LPCAT2: variants seen among roughly 807,000 people sequenced by gnomAD.
The protein encoded by LPCAT2 is 1-AGP acyltransferase 11.
In LPCAT2, 58 loss-of-function variants were observed where a neutral mutation model predicts 64.7. The observed-to-expected ratio is 0.90, with a 90% CI of 0.73 to 1.12. LPCAT2 has a LOEUF of 1.12. Among genes scored for constraint, LPCAT2 ranks in the 50% most tolerant of loss-of-function variants. The probability of loss-of-function intolerance (pLI) is 0.00; values close to 1 mark genes in which losing one functional copy is unlikely to be tolerated. For synonymous variants in LPCAT2, 252 were observed against 245.3 expected (o/e 1.03, Z -0.26); for missense variants, 579 against 669.8 (o/e 0.86, Z 1.50).
chr16:55,545,641 G>A, intron 8 of LPCAT2, 94 bp from the exon 9 acceptor site: 2 of 781,226 alleles, frequency 2.6e-6, no homozygotes, highest in South Asian at 1.8e-5. Flanking sequence ...AAAGGTAGAT[G>A]ATTCAATATA....
At chr16:55,519,935 T>A (rs1963071973) in intron 1 of LPCAT2, among the ~76,000 whole-genome samples, 1 of 151,280 alleles carries the variant, frequency 6.6e-6, no homozygotes, top group Admixed American at 6.6e-5. Context: ...TTTAAATGGA[T>A]CACTAAAGAA....
rs533584844 is a variant in LPCAT2 at position 55,531,795 on chromosome 16, CTTTTA to C, written c.643-114_643-110del. ...GCTTTCATTAGAATCAAATGTTAGC[CTTTTA>C]TTTTGTTTTTGTTTTTTAAGCATTG... is the stretch of plus-strand genomic sequence containing the variant. On this transcript the variant is annotated intron_variant, in intron 4 of 13. Coordinates refer to ENST00000262134, the MANE Select transcript of LPCAT2 (RefSeq NM_017839.5). 3.2e-4 allele frequency: 214 copies of C among 673,800 alleles called. 1 individual carries two copies. The African/African-American group carries it at 3.3e-3, about 10-fold the overall frequency. 41.7% of individuals were successfully genotyped at this position (673,800 alleles called of 1,614,324 possible). A position where few individuals can be genotyped will look rare whatever the true frequency, so the allele number is the denominator to read the frequency against.
chr16:55,521,325 T>G (rs994224994), intron 1 of LPCAT2, among the ~76,000 whole-genome samples: 1 of 151,856 alleles, frequency 6.6e-6, no homozygotes, highest in Non-Finnish European at 1.5e-5. Flanking sequence ...AATTTGAATT[T>G]ATTTTGTATC....
intron 1 of LPCAT2, among the ~76,000 whole-genome samples, chr16:55,509,991 C>CTTTTTTTTTTTTTTTTTTTTTTTTTTTTT (rs57496150): frequency 2.0e-5 from 2 of 102,532 alleles, no homozygotes; most frequent in African/African-American, 7.4e-5. Context: ...TTGAAGAAGT[C>CTTTTTTTTTTTTTTTTTTTTTTTTTTTTT]TTTTTTTTTT....
intron 12 of LPCAT2, among the ~76,000 whole-genome samples, chr16:55,577,097 C>T (rs1166585953): frequency 2.0e-5 from 3 of 152,122 alleles, no homozygotes; most frequent in African/African-American, 7.2e-5. Flanking sequence ...CATGAAGAGC[C>T]TGAGGTCTAC....
intron 4 of LPCAT2, among the ~76,000 whole-genome samples, chr16:55,530,492 TGG>T (rs57443448): frequency 0.01 from 1,475 of 142,278 alleles, 31 homozygotes; most frequent in African/African-American, 0.036. Flanking sequence ...AATGCGGGGG[TGG>T]GGGGGGGGTA....
At chr16:55,522,773 C>A (rs1435882383) in intron 1 of LPCAT2, among the ~76,000 whole-genome samples, 1 of 151,488 alleles carries the variant, frequency 6.6e-6, no homozygotes, top group African/African-American at 2.4e-5. Context: ...TAAAAATGAA[C>A]CTTGATCCAT....
chr16:55,524,848 CT>C (rs1157248705), intron 1 of LPCAT2, among the ~76,000 whole-genome samples: 1 of 152,022 alleles, frequency 6.6e-6, no homozygotes. Flanking sequence ...TTACTCCTTT[CT>C]GGTATGTAAA....
At chr16:55,528,333 C>A in intron 2 of LPCAT2, 44 bp from the exon 3 acceptor site, 1 of 1,499,038 alleles carries the variant, frequency 6.7e-7, no homozygotes, top group Non-Finnish European at 9.2e-7. Context: ...CTGCTGCTAG[C>A]TTTAATTAAC....
chr16:55,575,056 T>A (rs1232046679), intron 12 of LPCAT2, among the ~76,000 whole-genome samples: 1 of 152,146 alleles, frequency 6.6e-6, no homozygotes, highest in African/African-American at 2.4e-5. Context: ...ACACCACCTG[T>A]CACTAGTCAT....
At chr16:55,561,038 C>A (rs1963630335) in intron 11 of LPCAT2, among the ~76,000 whole-genome samples, 1 of 152,062 alleles carries the variant, frequency 6.6e-6, no homozygotes, top group East Asian at 1.9e-4. Flanking sequence ...ATAGATTTGC[C>A]TTTTCTGGAC....
At chr16:55,564,894 GTGGAAAGGTAACCTACAGAA>G (rs1963675497) in intron 11 of LPCAT2, among the ~76,000 whole-genome samples, 1 of 151,864 alleles carries the variant, frequency 6.6e-6, no homozygotes, top group Non-Finnish European at 1.5e-5. Context: ...TAACAACAGA[GTGGAAAGGTAACCTACAGAA>G]TGAAAGAAAA....
Position 55,509,360 on chromosome 16 carries a change from G to A in LPCAT2, c.171+8G>A, listed in dbSNP as rs1392924584. On this transcript the variant is annotated splice_region_variant and intron_variant, in intron 1 of 13. Transcript: ENST00000262134. ...TCCGCGAGGCGGGTCCAGGTGAGGG[G>A]CGTGGGTCTGAGGGGAGAGGTGGTC... is the stretch of plus-strand genomic sequence containing the variant. 1.4e-6 allele frequency: 2 copies of A among 1,427,062 alleles called. No individual in the cohort carries two copies. The highest frequency in any genetic ancestry group is 5.1e-5 in the Admixed American group (2 of 39,370). The allele number at this position is 1,427,062 out of a possible 1,614,324, so 88.4% of individuals were successfully genotyped here.
intron 11 of LPCAT2, 174 bp downstream of exon 11, chr16:55,551,276 G>T (rs1226538222): frequency 2.6e-6 from 1 of 381,890 alleles, no homozygotes; most frequent in African/African-American, 2.0e-5. Flanking sequence ...ATTAATAATT[G>T]TGTGTGTGTA....
At chr16:55,517,335 G>T (rs1170669829) in intron 1 of LPCAT2, among the ~76,000 whole-genome samples, 1 of 151,932 alleles carries the variant, frequency 6.6e-6, no homozygotes, top group African/African-American at 2.4e-5. Context: ...TATATAAAAA[G>T]ATTAACTAGT....
intron 9 of LPCAT2, among the ~76,000 whole-genome samples, chr16:55,546,155 C>T (rs1048061389): frequency 1.3e-5 from 2 of 151,484 alleles, no homozygotes; most frequent in Admixed American, 6.6e-5. Flanking sequence ...TGGTTCCTGC[C>T]GTGGCCCACC....
intron 5 of LPCAT2, chr16:55,532,222 T>C (rs1324576628): frequency 2.0e-5 from 8 of 396,840 alleles, no homozygotes; most frequent in African/African-American, 1.6e-4. Flanking sequence ...TGTGTGTGTT[T>C]GGGAACCCTC....
At chr16:55,554,285 T>C (rs1963550616) in intron 11 of LPCAT2, among the ~76,000 whole-genome samples, 1 of 152,206 alleles carries the variant, frequency 6.6e-6, no homozygotes, top group Non-Finnish European at 1.5e-5. Flanking sequence ...TTTCTTTCAT[T>C]AAAAGGCCAT....
Position 55,551,042 on chromosome 16 carries a change from C to G in LPCAT2, c.1155C>G (p.Ala385=), listed in dbSNP as rs1300554092. 6.2e-7 allele frequency: 1 copy of G among 1,612,966 alleles called. No individual in the cohort carries two copies. ...GAAGAATTGGAATTGAAGAATTCGC[C>G]AAGTATTTAAAGTTGCCTGTTTCAG... ...KGGRIGIEEF[A]KYLKLPVSDV... The change falls in exon 11 of 14, where the codon GCC becomes GCG. Residue 385 remains alanine (A), a synonymous_variant. Coordinates refer to ENST00000262134, the MANE Select transcript of LPCAT2 (RefSeq NM_017839.5).
Sources: gnomAD v4.1 joint callset for allele counts (sites outside exome capture counted in the v4.1 genomes callset) on GRCh38, gnomAD v4.1.1 for gene constraint, MANE v1.5 for transcripts, NCBI Gene and HGNC (gene_info 2026-07-23, HGNC 2026-07-21) for gene names.